Variants in SLAMF7 observed in about 807,000 individuals in gnomAD.
SLAMF7 encodes SLAM family member 7.
A neutral mutation model predicts 34.1 loss-of-function variants in SLAMF7; 26 were observed. The observed-to-expected ratio is 0.76, with a 90% CI of 0.56 to 1.06. The LOEUF is 1.06. SLAMF7 is among the 50% of genes least tolerant of loss of function. The pLI is 0.00. For synonymous variants in SLAMF7, 171 were observed against 156.4 expected (o/e 1.09, Z -0.70); for missense variants, 399 against 402.5 (o/e 0.99, Z 0.07).
chr1:160,741,843 A>G (rs1265835689), intron 1 of SLAMF7, among the ~76,000 whole-genome samples: 1 of 152,208 alleles, frequency 6.6e-6, no homozygotes, highest in East Asian at 1.9e-4. Flanking sequence ...AAACATCACC[A>G]TAACCTTCTG....
chr1:160,747,901 CTGTTTTT>C (rs1401372627), intron 1 of SLAMF7, among the ~76,000 whole-genome samples: 4 of 82,994 alleles, frequency 4.8e-5, no homozygotes, highest in African/African-American at 7.3e-5. Flanking sequence ...ACATTCTTAA[CTGTTTTT>C]CACCTACAAC....
intron 5 of SLAMF7, 102 bp from the exon 6 acceptor site, chr1:160,752,084 C>A: frequency 2.1e-6 from 2 of 940,322 alleles, no homozygotes; most frequent in Non-Finnish European, 3.3e-6. Context: ...CTCCTCCCAT[C>A]TCTGCTTTCC....
intron 4 of SLAMF7, 179 bp downstream of exon 4, chr1:160,750,602 G>C: frequency 2.9e-6 from 2 of 680,548 alleles, no homozygotes; most frequent in Non-Finnish European, 2.4e-6. Flanking sequence ...CTTAGTTCTG[G>C]AGTAGAGAAA....
chr1:160,744,653 T>A (rs1476978204), intron 1 of SLAMF7, among the ~76,000 whole-genome samples: 2 of 152,216 alleles, frequency 1.3e-5, no homozygotes, highest in South Asian at 2.1e-4. Context: ...AGCCACATCT[T>A]TGTAGTTTTG....
intron 1 of SLAMF7, among the ~76,000 whole-genome samples, chr1:160,743,273 T>C (rs1447331081): frequency 1.3e-5 from 2 of 152,158 alleles, no homozygotes; most frequent in South Asian, 2.1e-4. Context: ...TTGAATTAGA[T>C]ACAGGGTTTG....
intron 6 of SLAMF7, 121 bp downstream of exon 6, chr1:160,752,369 G>T (rs1664705441): frequency 2.9e-6 from 2 of 693,732 alleles, no homozygotes; most frequent in Middle Eastern, 4.0e-4. Context: ...AAGTACCCTA[G>T]TAGTTCCCCA....
chr1:160,749,073 T>C (rs1431154016), intron 2 of SLAMF7, among the ~76,000 whole-genome samples: 1 of 152,176 alleles, frequency 6.6e-6, no homozygotes, highest in Non-Finnish European at 1.5e-5. Context: ...TCAAGAAGAA[T>C]AGCTGCTTCA....
Position 160,739,265 on chromosome 1 carries a change from G to A in SLAMF7, c.-37G>A. The A allele has an allele frequency of 1.2e-6, 2 of 1,600,256 alleles. No homozygotes were observed. Among genetic ancestry groups the A allele is most frequent in the African/African-American group, 1.3e-5 (1 of 74,728 alleles). Reference sequence around the variant, plus strand: ...GGTCTGAGTAATACCTAAGAGGGAAGTGGCTTCATTTCAGTGGCTGACTTC... The same window carrying A: ...GGTCTGAGTAATACCTAAGAGGGAAATGGCTTCATTTCAGTGGCTGACTTC... On this transcript the variant is annotated 5_prime_UTR_variant, in exon 1 of 7. The change creates a new upstream start codon in the 5' untranslated region. Transcript: ENST00000368043.
chr1:160,744,763 A>T (rs1399830964), intron 1 of SLAMF7, among the ~76,000 whole-genome samples: 1 of 152,242 alleles, frequency 6.6e-6, no homozygotes, highest in African/African-American at 2.4e-5. Context: ...TTGGGGCCAA[A>T]TGATACCCAA....
Position 160,750,409 on chromosome 1 carries a change from G to C in SLAMF7, c.755G>C (p.Arg252Thr), listed in dbSNP as rs780029331. 5.6e-6 allele frequency: 9 copies of C among 1,613,870 alleles called. No individual in the cohort carries two copies. In the South Asian group the frequency reaches 7.7e-5, roughly 14 times the overall value. The change falls in exon 4 of 7, where the codon AGA becomes ACA. Residue 252 changes from arginine (R) to threonine (T), a missense_variant. Coordinates refer to ENST00000368043, the MANE Select transcript of SLAMF7 (RefSeq NM_021181.5). ...VLGLFLWFLK[R>T]ERQEEYIEEK... ...GGGCTATTTCTTTGGTTTCTGAAGAGAGAGAGACAAGAAGGTAGAGCGTGT... is the reference window on the plus strand; with the variant it reads ...GGGCTATTTCTTTGGTTTCTGAAGACAGAGAGACAAGAAGGTAGAGCGTGT...
At chr1:160,750,802 A>T in intron 4 of SLAMF7, 1 of 223,132 alleles carries the variant, frequency 4.5e-6, no homozygotes, top group Non-Finnish European at 8.9e-6. Context: ...AGCATCCTCT[A>T]GTCAATCCTT....
At chr1:160,751,901 TAC>T (rs1284159294) in intron 5 of SLAMF7, 24 of 128,824 alleles carry the variant, frequency 1.9e-4, no homozygotes, top group South Asian at 7.3e-4. Flanking sequence ...TATATATATA[TAC>T]ACACACATAT....
chr1:160,749,879 T>C lies in SLAMF7; in HGVS notation c.435T>C (p.Cys145=). The C allele has an allele frequency of 6.2e-7, 1 of 1,614,014 alleles. No individual in the cohort carries two copies. The highest frequency in any genetic ancestry group is 8.5e-7 in the Non-Finnish European group (1 of 1,179,900). Residue 145 remains cysteine (C), a synonymous_variant, in exon 3 of 7, where the codon TGT becomes TGC. Transcript: ENST00000368043. ...MGLQSNKNGT[C]VTNLTCCMEH... ...TGCAGAGCAATAAGAATGGCACCTG[T>C]GTGACCAATCTGACATGCTGCATGG...
chr1:160,748,939 A>C (rs1489563880), intron 2 of SLAMF7, among the ~76,000 whole-genome samples: 1 of 152,230 alleles, frequency 6.6e-6, no homozygotes, highest in East Asian at 1.9e-4. Context: ...AGATGCAAGA[A>C]GGAGGGGATT....
intron 1 of SLAMF7, among the ~76,000 whole-genome samples, chr1:160,746,349 T>C (rs949320817): frequency 1.3e-5 from 2 of 152,214 alleles, no homozygotes; most frequent in African/African-American, 4.8e-5. Flanking sequence ...AAAGTCACCA[T>C]GTAGCCTTGC....
At chr1:160,742,943 C>T (rs956372881) in intron 1 of SLAMF7, among the ~76,000 whole-genome samples, 3 of 152,254 alleles carry the variant, frequency 2.0e-5, no homozygotes, top group Non-Finnish European at 4.4e-5. Context: ...GTTATGACTA[C>T]GGAGGCGGCA....
chr1:160,752,194 C>A lies in SLAMF7; in HGVS notation c.882C>A (p.Ile294=). ...TTGTTTGTTTTTAAAAGAGAACAAT[C>A]CTAAAGGAAGATCCAGCAAATACGG... is the stretch of plus-strand genomic sequence containing the variant. ...YDTIPHTNRT[I]LKEDPANTVY... is the part of the protein sequence containing the mutation. Residue 294 remains isoleucine (I), a synonymous_variant, in exon 6 of 7, where the codon ATC becomes ATA. Coordinates refer to ENST00000368043, the MANE Select transcript of SLAMF7 (RefSeq NM_021181.5). 1.2e-6 allele frequency: 2 copies of A among 1,612,566 alleles called. No individual in the cohort carries two copies. Among genetic ancestry groups the A allele is most frequent in the Non-Finnish European group, 1.7e-6 (2 of 1,179,074 alleles).
In SLAMF7 at chr1:160,749,872, G is replaced by A; in HGVS notation, c.428G>A (p.Gly143Asp). ...VTMGLQSNKN[G>D]TCVTNLTCCM... is the part of the protein sequence containing the mutation. ...ATGGGTCTGCAGAGCAATAAGAATG[G>A]CACCTGTGTGACCAATCTGACATGC... The change falls in exon 3 of 7, where the codon GGC becomes GAC. Residue 143 changes from glycine to aspartate, a missense_variant. Gly to Asp is a moderately conservative substitution (Grantham distance 94). Transcript: ENST00000368043. The A allele has an allele frequency of 6.2e-7, 1 of 1,613,774 alleles. No individual in the cohort carries two copies. Among genetic ancestry groups the A allele is most frequent in the Non-Finnish European group, 8.5e-7 (1 of 1,179,794 alleles).
At chr1:160,748,574 C>A (rs1664315607) in intron 2 of SLAMF7, 60 bp downstream of exon 2, 3 of 1,467,304 alleles carry the variant, frequency 2.0e-6, no homozygotes, top group South Asian at 2.5e-5. Context: ...AGCTCCTTGA[C>A]ATGAGAGATG....
Sources: gnomAD v4.1 joint callset for allele counts (sites outside exome capture counted in the v4.1 genomes callset) on GRCh38, gnomAD v4.1.1 for gene constraint, MANE v1.5 for transcripts, NCBI Gene and HGNC (gene_info 2026-07-23, HGNC 2026-07-21) for gene names.